Variants in SKI observed in about 807,000 individuals in gnomAD.
SKI encodes ski oncogene.
SKI carries 23 observed loss-of-function variants against 59.3 expected under a neutral mutation model. The ratio of observed to expected loss-of-function variants is 0.39; its 90% confidence interval spans 0.28 to 0.55. The LOEUF (loss-of-function observed/expected upper bound fraction) is 0.55, where lower values mean the gene tolerates loss of function less well. SKI is among the 20% of genes least tolerant of loss of function. SKI has a pLI of 0.67. For synonymous variants in SKI, 673 were observed against 488.6 expected (o/e 1.38, Z -4.98); for missense variants, 1,017 against 1,038.9 (o/e 0.98, Z 0.29).
rs1640483155 is a variant in SKI, at chr1:2,303,635, T to C, written c.1212-205T>C. The C allele has an allele frequency of 9.7e-6, 7 of 725,244 alleles. No individual in the cohort carries two copies. In the East Asian group the frequency reaches 1.9e-4, roughly 20 times the overall value. The allele number at this position is 725,244 out of a possible 1,614,324, so 44.9% of individuals were successfully genotyped here. The stretch of plus-strand genomic sequence containing the variant: ...CTGTCTGCTGGGCGCAGCTTCTTGA[T>C]GTGTTGGCCTGTGTCTGGCCTTCGC... On this transcript the variant is annotated intron_variant, in intron 3 of 6. Transcript: ENST00000378536. This position sits in a 1 kb window ranked among gnomAD's most constrained non-coding sequence, Gnocchi z 5.6.
chr1:2,285,876 T>G (rs1640030296), intron 1 of SKI, among the ~76,000 whole-genome samples: 1 of 147,140 alleles, frequency 6.8e-6, no homozygotes, highest in South Asian at 2.2e-4. Flanking sequence ...GAAGGTTTTT[T>G]TTTTTTTTTT....
At chr1:2,241,289 G>A (rs1181646128) in intron 1 of SKI, among the ~76,000 whole-genome samples, 2 of 152,236 alleles carry the variant, frequency 1.3e-5, no homozygotes, top group African/African-American at 4.8e-5. Flanking sequence ...CACTGAAGTA[G>A]AGAGATTAGC....
chr1:2,303,033 A>C lies in SKI; in HGVS notation c.1025A>C (p.Gln342Pro), dbSNP rs377336741. 1.2e-5 allele frequency: 20 copies of C among 1,613,730 alleles called. No homozygotes were observed. In the South Asian group the frequency reaches 2.1e-4, roughly 17 times the overall value. The change falls in exon 2 of 7, where the codon CAG becomes CCG. Residue 342 changes from glutamine (Q) to proline (P), a missense_variant. Gln to Pro is a moderately conservative substitution (Grantham distance 76). Transcript: ENST00000378536. This position sits in a 1 kb window ranked among gnomAD's most constrained non-coding sequence, Gnocchi z 5.6. ...IRPKTDDTSS[Q>P]SPAPSEKDKP... The stretch of plus-strand genomic sequence containing the variant: ...CCCAAAACAGATGACACCTCTTCCC[A>C]GTCCCCCGCGCCTTCCGAAAAGGAC...
intron 1 of SKI, among the ~76,000 whole-genome samples, chr1:2,273,900 A>G (rs1449568059): frequency 3.9e-5 from 6 of 151,914 alleles, no homozygotes; most frequent in Non-Finnish European, 8.8e-5. Context: ...CTCTCCGCCC[A>G]CCACCCTCTC....
intron 1 of SKI, among the ~76,000 whole-genome samples, chr1:2,258,038 T>C (rs12138597): frequency 0.34 from 51,348 of 152,140 alleles, 9,159 homozygotes; most frequent in Admixed American, 0.44. Context: ...GTGCCCAGCC[T>C]GCACAACATT....
At chr1:2,261,046 C>T (rs1297584767) in intron 1 of SKI, among the ~76,000 whole-genome samples, 1 of 152,170 alleles carries the variant, frequency 6.6e-6, no homozygotes, top group Non-Finnish European at 1.5e-5. Flanking sequence ...TCAGATGTTT[C>T]AGTGGAGTTT....
rs1177159886 is a variant in SKI, at chr1:2,270,846, C to T, written c.970-32132C>T. ...TCCAGAGGACCAGCATGGAGGTGCA[C>T]AAGTTCACATTTGTCCCTCTCCTGC... is the stretch of plus-strand genomic sequence containing the variant. On this transcript the variant is annotated intron_variant, in intron 1 of 6. Coordinates refer to ENST00000378536, the MANE Select transcript of SKI (RefSeq NM_003036.4). This position sits in a 1 kb window ranked among gnomAD's most constrained non-coding sequence, Gnocchi z 4.1. Among the ~76,000 whole-genome samples the T allele has an allele frequency of 2.0e-5, 3 of 152,190 alleles. No individual in the cohort carries two copies. Among genetic ancestry groups the T allele is most frequent in the Admixed American group, 6.5e-5 (1 of 15,288 alleles).
Position 2,290,368 on chromosome 1 carries a change from C to T in SKI, c.970-12610C>T, listed in dbSNP as rs148639328. Among the ~76,000 whole-genome samples the T allele has an allele frequency of 3.7e-3, 564 of 152,250 alleles. 3 individuals carry two copies. Among genetic ancestry groups the T allele is most frequent in the African/African-American group, 0.013 (534 of 41,542 alleles). ...ATTGGGGGTAGGCCAGCCTTCTGTGCGGGACACTTGGGAACTGAGGGGACA... is the reference window on the plus strand; with the variant it reads ...ATTGGGGGTAGGCCAGCCTTCTGTGTGGGACACTTGGGAACTGAGGGGACA... On this transcript the variant is annotated intron_variant, in intron 1 of 6. Transcript: ENST00000378536.
At chr1:2,305,718 C>T (rs555909938) in intron 5 of SKI, among the ~76,000 whole-genome samples, 2 of 152,314 alleles carry the variant, frequency 1.3e-5, no homozygotes, top group African/African-American at 2.4e-5. Flanking sequence ...TGGCTTGCTG[C>T]CCCCAAGGGG....
chr1:2,254,898 T>C (rs1427729777), intron 1 of SKI, among the ~76,000 whole-genome samples: 1 of 152,168 alleles, frequency 6.6e-6, no homozygotes, highest in Non-Finnish European at 1.5e-5. Context: ...CAACAACACT[T>C]CTTTCCTCCA....
rs571904517 is a variant in SKI at position 2,297,346 on chromosome 1, C to T, written c.970-5632C>T. Among the ~76,000 whole-genome samples, 49 of 152,340 alleles carry T rather than the reference C, an allele frequency of 3.2e-4. 1 individual carries two copies. The East Asian group carries it at 7.9e-3, about 25-fold the overall frequency. ...TCAGCCACACCGAAGAGAACCTCAG[C>T]GTAGCAGAGTGTTGCTGGGCCATGT... On this transcript the variant is annotated intron_variant, in intron 1 of 6. Coordinates refer to ENST00000378536, the MANE Select transcript of SKI (RefSeq NM_003036.4).
intron 1 of SKI, among the ~76,000 whole-genome samples, chr1:2,235,453 G>A (rs998974964): frequency 6.6e-6 from 1 of 152,228 alleles, no homozygotes; most frequent in Non-Finnish European, 1.5e-5. Context: ...TGCAGACCAG[G>A]TGCCATGCCA....
chr1:2,259,329 C>G (rs1043033318), intron 1 of SKI, among the ~76,000 whole-genome samples: 1 of 152,146 alleles, frequency 6.6e-6, no homozygotes, highest in Non-Finnish European at 1.5e-5. Context: ...GGTTCCTGAT[C>G]TAGAGAAAGA....
chr1:2,289,982 C>T (rs1640126934), intron 1 of SKI, among the ~76,000 whole-genome samples: 1 of 152,166 alleles, frequency 6.6e-6, no homozygotes, highest in Non-Finnish European at 1.5e-5. Context: ...ACCTCCACAG[C>T]CCCCTCCTTG....
At position 2,269,330 on chromosome 1, in the gene SKI, G is replaced by C. The variant is rs999416079; in HGVS notation, c.970-33648G>C. Among the ~76,000 whole-genome samples, 1 of 152,216 alleles carries C rather than the reference G, an allele frequency of 6.6e-6. No homozygotes were observed. The highest frequency in any genetic ancestry group is 1.9e-4 in the East Asian group (1 of 5,196). Reference sequence around the variant, plus strand: ...GGGCAGAGCCAGAGAGTGACTAAGGGGCTGTTAGGACAGAGACAGTGGGTT... The same window carrying C: ...GGGCAGAGCCAGAGAGTGACTAAGGCGCTGTTAGGACAGAGACAGTGGGTT... On this transcript the variant is annotated intron_variant, in intron 1 of 6. Transcript: ENST00000378536. This position sits in a 1 kb window ranked among gnomAD's most constrained non-coding sequence, Gnocchi z 4.7.
chr1:2,255,546 G>A (rs260509), intron 1 of SKI, among the ~76,000 whole-genome samples: 81,946 of 149,176 alleles, frequency 0.55, 22,614 homozygotes, highest in East Asian at 0.83. Context: ...TGTCTGTGCC[G>A]CTCTGTCCTG....
chr1:2,304,037 C>T lies in SKI; in HGVS notation c.1409C>T (p.Pro470Leu). 6.2e-7 allele frequency: 1 copy of T among 1,612,454 alleles called. No homozygotes were observed. Among genetic ancestry groups the T allele is most frequent in the Non-Finnish European group, 8.5e-7 (1 of 1,179,860 alleles). The change falls in exon 4 of 7, where the codon CCC becomes CTC. Residue 470 changes from proline to leucine, a missense_variant. Physicochemically the swap from Pro to Leu is moderately conservative, Grantham distance 98. Transcript: ENST00000378536. ...DTPGAPETLAPVAAPEEDKDS... is the reference protein window; with the variant it reads ...DTPGAPETLALVAAPEEDKDS... ...CCAGGAGCCCCAGAGACGCTGGCGC[C>T]CGTGGCTGCCCCAGAGGAGGACAAG...
At position 2,255,170 on chromosome 1, in the gene SKI, T is replaced by C. The variant is rs1018090000; in HGVS notation, c.969+25435T>C. On this transcript the variant is annotated intron_variant, in intron 1 of 6. Coordinates refer to ENST00000378536, the MANE Select transcript of SKI (RefSeq NM_003036.4). ...GTCCCCATCCTGTCCTCCCCAACTT[T>C]CCACAGGCAGGGACGCTCCCCATTC... 2.0e-5 allele frequency among the ~76,000 whole-genome samples: 3 copies of C among 152,132 alleles called. 1 individual carries two copies. Among genetic ancestry groups the C allele is most frequent in the Non-Finnish European group, 4.4e-5 (3 of 68,016 alleles).
In SKI at chr1:2,293,429, C is replaced by G. The variant is rs1197081692; in HGVS notation, c.970-9549C>G. On this transcript the variant is annotated intron_variant, in intron 1 of 6. Coordinates refer to ENST00000378536, the MANE Select transcript of SKI (RefSeq NM_003036.4). ...TGAAGATGAGAAGCCAGGGCGAGGC[C>G]CCCCCCCAACATCTGGAAGGTTCTC... is the stretch of plus-strand genomic sequence containing the variant. 2.0e-5 allele frequency among the ~76,000 whole-genome samples: 3 copies of G among 150,838 alleles called. No individual in the cohort carries two copies. The East Asian group carries it at 5.9e-4, about 29-fold the overall frequency.
Sources: gnomAD v4.1 joint callset for allele counts (sites outside exome capture counted in the v4.1 genomes callset) on GRCh38, gnomAD v4.1.1 for gene constraint, Gnocchi (gnomAD v3.1) non-coding constraint, MANE v1.5 for transcripts, NCBI Gene and HGNC (gene_info 2026-07-23, HGNC 2026-07-21) for gene names.